The following CDH4 variants were observed in gnomAD, a reference collection of about 807,000 sequenced individuals.
The protein encoded by CDH4 is cadherin-4.
In CDH4, 33 loss-of-function variants were observed where a neutral mutation model predicts 86.0. The ratio of observed to expected loss-of-function variants is 0.38; its 90% confidence interval spans 0.29 to 0.51. The LOEUF (loss-of-function observed/expected upper bound fraction) is 0.51. Among genes scored for constraint, CDH4 ranks in the 20% least tolerant of loss-of-function variants. The pLI, the probability that CDH4 is intolerant of heterozygous loss-of-function variation, is 0.86. For missense variants in CDH4, 1,114 were observed against 1,307.4 expected (o/e 0.85, Z 2.28); for synonymous variants, 555 against 549.4 (o/e 1.01, Z -0.14).
chr20:61,805,149 G>A (rs368677947), intron 4 of CDH4, among the ~76,000 whole-genome samples: 33 of 152,284 alleles, frequency 2.2e-4, no homozygotes, highest in East Asian at 9.7e-4. Context: ...ATGCCCAGCC[G>A]GAAGCCGGTA....
chr20:61,353,406 T>G (rs547487895), intron 2 of CDH4, among the ~76,000 whole-genome samples: 1 of 152,240 alleles, frequency 6.6e-6, no homozygotes, highest in East Asian at 1.9e-4. Flanking sequence ...GCGCATTGCA[T>G]AATGCCTGCG....
chr20:61,275,924 G>GA (rs2084229029), intron 2 of CDH4, among the ~76,000 whole-genome samples: 1 of 152,112 alleles, frequency 6.6e-6, no homozygotes, highest in African/African-American at 2.4e-5. Context: ...GAAGTGATTT[G>GA]ATTTTTGATG....
At position 61,765,835 on chromosome 20, in the gene CDH4, T is replaced by A. The variant is rs1600964422; in HGVS notation, c.397-7168T>A. The stretch of plus-strand genomic sequence containing the variant: ...CCCACCCTCCCATCTCAAACCCTCA[T>A]CCAGGGAGGAGAGCCCACCCCTTCC... On this transcript the variant is annotated intron_variant, in intron 3 of 15. Transcript: ENST00000614565. Among the ~76,000 whole-genome samples, 9 of 151,992 alleles carry A rather than the reference T, an allele frequency of 5.9e-5. 1 individual carries two copies. Among genetic ancestry groups the A allele is most frequent in the Admixed American group, 5.9e-4 (9 of 15,284 alleles).
chr20:61,634,169 C>T (rs939238459), intron 2 of CDH4, among the ~76,000 whole-genome samples: 2 of 152,156 alleles, frequency 1.3e-5, no homozygotes, highest in African/African-American at 4.8e-5. Flanking sequence ...CTCTGCAAAC[C>T]GTAAAGCTCT....
At chr20:61,477,557 A>AAGGTCCACAT (rs1196881361) in intron 2 of CDH4, among the ~76,000 whole-genome samples, 1 of 152,150 alleles carries the variant, frequency 6.6e-6, no homozygotes, top group East Asian at 1.9e-4. Context: ...AGCGTGGAAG[A>AAGGTCCACAT]AGGTCCACAT....
intron 2 of CDH4, among the ~76,000 whole-genome samples, chr20:61,263,130 G>A (rs2084137243): frequency 2.0e-5 from 3 of 152,174 alleles, no homozygotes; most frequent in African/African-American, 7.2e-5. Flanking sequence ...AGTTCTCCCC[G>A]GTGTGTTCTT....
intron 9 of CDH4, among the ~76,000 whole-genome samples, chr20:61,919,914 A>ATGTGGAAGCGTGGTGTCACGGTGATTG (rs2054949479): frequency 2.8e-5 from 1 of 36,002 alleles, no homozygotes. Flanking sequence ...TATCGTGATT[A>ATGTGGAAGCGTGGTGTCACGGTGATTG]TGTGGAAGCG....
At chr20:61,844,408 C>G (rs2146101356) in intron 4 of CDH4, among the ~76,000 whole-genome samples, 1 of 152,174 alleles carries the variant, frequency 6.6e-6, no homozygotes, top group African/African-American at 2.4e-5. Context: ...CTGTGGATGT[C>G]TGCCAGGCAT....
At chr20:61,886,174 T>C (rs1377772237) in intron 7 of CDH4, among the ~76,000 whole-genome samples, 1 of 152,110 alleles carries the variant, frequency 6.6e-6, no homozygotes, top group East Asian at 1.9e-4. Flanking sequence ...AGATGGTGGC[T>C]GGGGTGGGGG....
chr20:61,591,364 C>T (rs545897937), intron 2 of CDH4, among the ~76,000 whole-genome samples: 1 of 152,168 alleles, frequency 6.6e-6, no homozygotes, highest in Non-Finnish European at 1.5e-5. Flanking sequence ...TCCAAAACAA[C>T]ACCAGCTGAG....
In CDH4 at chr20:61,451,127, C is replaced by CA. The variant is rs1568849733; in HGVS notation, c.169+196190_169+196191insA. Reference sequence around the variant, plus strand: ...GCTTTTTCCCTCCCTCTCACGCCCCCCCCCTTCCCTCCGTGTCATCCTGCC... The same window carrying CA: ...GCTTTTTCCCTCCCTCTCACGCCCCCACCCCTTCCCTCCGTGTCATCCTGCC... On this transcript the variant is annotated intron_variant, in intron 2 of 15. Coordinates refer to ENST00000614565, the MANE Select transcript of CDH4 (RefSeq NM_001794.5). 6.6e-5 allele frequency among the ~76,000 whole-genome samples: 7 copies of CA among 105,976 alleles called. No homozygotes were observed. In the East Asian group the frequency reaches 8.4e-4, roughly 13 times the overall value. The allele number at this position is 105,976 out of a possible 152,430, so 69.5% of individuals were successfully genotyped here. A position where few individuals can be genotyped will look rare whatever the true frequency, so the allele number is the denominator to read the frequency against.
chr20:61,281,838 G>T (rs1290472819), intron 2 of CDH4, among the ~76,000 whole-genome samples: 1 of 152,212 alleles, frequency 6.6e-6, no homozygotes, highest in African/African-American at 2.4e-5. Flanking sequence ...CATGATTGCA[G>T]ACATGTTAGA....
chr20:61,898,089 C>T (rs1985216483), intron 8 of CDH4, among the ~76,000 whole-genome samples: 1 of 152,198 alleles, frequency 6.6e-6, no homozygotes, highest in Non-Finnish European at 1.5e-5. Context: ...GTTAGGATGG[C>T]CCTTGGTGTG....
intron 2 of CDH4, among the ~76,000 whole-genome samples, chr20:61,427,375 G>A (rs1009176562): frequency 6.6e-6 from 1 of 152,222 alleles, no homozygotes; most frequent in Non-Finnish European, 1.5e-5. Flanking sequence ...AAAGGCCAGA[G>A]GCATTAGCAA....
At chr20:61,511,571 A>C (rs938072352) in intron 2 of CDH4, among the ~76,000 whole-genome samples, 2 of 152,226 alleles carry the variant, frequency 1.3e-5, no homozygotes, top group Non-Finnish European at 2.9e-5. Flanking sequence ...ACTTCCCAAC[A>C]CTCACTTAAG....
At chr20:61,530,447 G>C (rs1402252573) in intron 2 of CDH4, among the ~76,000 whole-genome samples, 1 of 152,086 alleles carries the variant, frequency 6.6e-6, no homozygotes, top group Non-Finnish European at 1.5e-5. Flanking sequence ...TGGCAGAGCA[G>C]AGTCACGCTG....
At chr20:61,701,090 A>G (rs1600890028) in intron 2 of CDH4, among the ~76,000 whole-genome samples, 2 of 151,794 alleles carry the variant, frequency 1.3e-5, no homozygotes, top group East Asian at 3.9e-4. Context: ...CGGAGGGAAG[A>G]CTCTGTTCCA....
intron 2 of CDH4, among the ~76,000 whole-genome samples, chr20:61,735,582 C>A (rs2088252774): frequency 6.6e-6 from 1 of 152,172 alleles, no homozygotes; most frequent in Non-Finnish European, 1.5e-5. Context: ...GAGGTTCTGC[C>A]TCCCGGCCAG....
At chr20:61,471,272 A>G (rs1221966047) in intron 2 of CDH4, among the ~76,000 whole-genome samples, 1 of 151,956 alleles carries the variant, frequency 6.6e-6, no homozygotes, top group Non-Finnish European at 1.5e-5. Flanking sequence ...TATGTCTAGG[A>G]ATTTATACCT....
Sources: gnomAD v4.1 joint callset for allele counts (sites outside exome capture counted in the v4.1 genomes callset) on GRCh38, gnomAD v4.1.1 for gene constraint, MANE v1.5 for transcripts, NCBI Gene and HGNC (gene_info 2026-07-23, HGNC 2026-07-21) for gene names.